Variants in ABHD17A observed in about 807,000 individuals in gnomAD.
ABHD17A encodes alpha/beta hydrolase domain-containing protein 17A.
ABHD17A carries 10 observed loss-of-function variants against 26.8 expected under a neutral mutation model. The observed-to-expected ratio is 0.37, with a 90% CI of 0.23 to 0.63. ABHD17A has a LOEUF of 0.63. Among genes scored for constraint, ABHD17A ranks in the 30% least tolerant of loss-of-function variants. The pLI, the probability that ABHD17A is intolerant of heterozygous loss-of-function variation, is 0.61. For missense variants in ABHD17A, 292 were observed against 457.3 expected, an observed-to-expected ratio of 0.64 and a Z score of 3.30; for synonymous variants, 167 against 210.9, an observed-to-expected ratio of 0.79 and a Z score of 1.80.
In ABHD17A at chr19:1,880,558, T is replaced by C. The variant is rs10410369; in HGVS notation, c.333-443A>G. On this transcript the variant is annotated intron_variant, in intron 2 of 4. Coordinates refer to ENST00000292577, the MANE Select transcript of ABHD17A (RefSeq NM_001130111.2). This position sits in a 1 kb window ranked among gnomAD's most constrained non-coding sequence, Gnocchi z 4.1. Reference sequence around the variant, plus strand: ...TTCAGGACCTTCCCAGGGGAGCCCATGCTGCTGCTGGCAGGGCTATCTCCC... The same window carrying C: ...TTCAGGACCTTCCCAGGGGAGCCCACGCTGCTGCTGGCAGGGCTATCTCCC... Among the ~76,000 whole-genome samples, 97,341 of 152,090 alleles carry C rather than the reference T, an allele frequency of 0.64. 31,171 individuals are homozygous for C. Among genetic ancestry groups the C allele is most frequent in the Middle Eastern group, 0.69 (202 of 292 alleles).
rs771001154 is a variant in ABHD17A, at chr19:1,880,004, G to C, written c.444C>G (p.Ser148=). 1.4e-5 allele frequency: 23 copies of C among 1,613,138 alleles called. 1 individual carries two copies. In the South Asian group the frequency reaches 2.5e-4, roughly 18 times the overall value. Residue 148 remains serine (S), a synonymous_variant, in exon 3 of 5, where the codon TCC becomes TCG. Transcript: ENST00000292577. This position sits in a 1 kb window ranked among gnomAD's most constrained non-coding sequence, Gnocchi z 4.1. ...GCCTGCCCGAGCTGGCACCGTAGCC[G>C]GAGTAGTCGTAGGAGAAGATGTTGC... ...LHCNIFSYDY[S]GYGASSGRPS... is the part of the protein sequence containing the mutation.
chr19:1,878,359 G>C (rs1327282300), intron 3 of ABHD17A: 1 of 152,372 alleles, frequency 6.6e-6, no homozygotes, highest in Non-Finnish European at 1.5e-5. Context: ...CTCCCACCCA[G>C]GGGCACCCTC....
rs1387393066 is a variant in ABHD17A at position 1,876,985 on chromosome 19, A to G, written c.*215T>C. The stretch of plus-strand genomic sequence containing the variant: ...GGAAGGAGAGCAGCCCTAAAATTTT[A>G]AATCTTTAATTTCCGTTTTCACGTA... On this transcript the variant is annotated 3_prime_UTR_variant, in exon 5 of 5. Coordinates refer to ENST00000292577, the MANE Select transcript of ABHD17A (RefSeq NM_001130111.2). 7 of 578,450 alleles carry G rather than the reference A, an allele frequency of 1.2e-5. No homozygotes were observed. Among genetic ancestry groups the G allele is most frequent in the Non-Finnish European group, 2.2e-5 (7 of 324,868 alleles). 35.8% of individuals were successfully genotyped at this position (578,450 alleles called of 1,614,324 possible). A position where few individuals can be genotyped will look rare whatever the true frequency, so the allele number is the denominator to read the frequency against.
Position 1,876,904 on chromosome 19 carries a change from C to T in ABHD17A, c.*296G>A. 1 of 441,438 alleles carries T rather than the reference C, an allele frequency of 2.3e-6. No individual in the cohort carries two copies. The allele number at this position is 441,438 out of a possible 1,614,324, so 27.3% of individuals were successfully genotyped here. ...GGGACTCAGGGACGAAACCTGGGAACCCCGGCCCCCTTTCGAGCTCGCTGA... is the reference window on the plus strand; with the variant it reads ...GGGACTCAGGGACGAAACCTGGGAATCCCGGCCCCCTTTCGAGCTCGCTGA... On this transcript the variant is annotated 3_prime_UTR_variant, in exon 5 of 5. Coordinates refer to ENST00000292577, the MANE Select transcript of ABHD17A (RefSeq NM_001130111.2).
rs2012497431 is a variant in ABHD17A, at chr19:1,880,654, T to C, written c.333-539A>G. On this transcript the variant is annotated intron_variant, in intron 2 of 4. Coordinates refer to ENST00000292577, the MANE Select transcript of ABHD17A (RefSeq NM_001130111.2). This position sits in a 1 kb window ranked among gnomAD's most constrained non-coding sequence, Gnocchi z 4.1. ...CCCACCCCTGCCCCCAACAAGCAAATGCGGCCAATCTCTGCTCACACTCAT... is the reference window on the plus strand; with the variant it reads ...CCCACCCCTGCCCCCAACAAGCAAACGCGGCCAATCTCTGCTCACACTCAT... 6.6e-6 allele frequency among the ~76,000 whole-genome samples: 1 copy of C among 151,786 alleles called. No homozygotes were observed. The highest frequency in any genetic ancestry group is 2.4e-5 in the African/African-American group (1 of 41,258).
Position 1,881,387 on chromosome 19 carries a change from C to G in ABHD17A, c.180G>C (p.Ser60=). The G allele has an allele frequency of 1.2e-6, 2 of 1,605,402 alleles. No homozygotes were observed. The highest frequency in any genetic ancestry group is 1.7e-6 in the Non-Finnish European group (2 of 1,179,030). Residue 60 remains serine (S), a synonymous_variant, in exon 2 of 5, where the codon TCG becomes TCC. Coordinates refer to ENST00000292577, the MANE Select transcript of ABHD17A (RefSeq NM_001130111.2). ...AAPLGTLRAS[S]GAPGRWKLHL... ...GCAGCTTCCAGCGCCCGGGTGCGCC[C>G]GAGGAGGCTCTCAGGGTCCCCAAGG...
In ABHD17A at chr19:1,880,583, C is replaced by T. The variant is rs2012495733; in HGVS notation, c.333-468G>A. Among the ~76,000 whole-genome samples the T allele has an allele frequency of 6.6e-6, 1 of 152,214 alleles. No homozygotes were observed. Among genetic ancestry groups the T allele is most frequent in the Admixed American group, 6.5e-5 (1 of 15,290 alleles). On this transcript the variant is annotated intron_variant, in intron 2 of 4. Transcript: ENST00000292577. This position sits in a 1 kb window ranked among gnomAD's most constrained non-coding sequence, Gnocchi z 4.1. Reference sequence around the variant, plus strand: ...TGCTGCTGCTGGCAGGGCTATCTCCCCTCACCTCACAGAATGGTGCCCTCA... The same window carrying T: ...TGCTGCTGCTGGCAGGGCTATCTCCTCTCACCTCACAGAATGGTGCCCTCA...
intron 2 of ABHD17A, 95 bp downstream of exon 2, chr19:1,881,140 C>T (rs1307814208): frequency 9.6e-6 from 15 of 1,565,642 alleles, no homozygotes; most frequent in Non-Finnish European, 1.3e-5. Flanking sequence ...GGCTCGGGCC[C>T]TCGGGGGCAC....
intron 1 of ABHD17A, chr19:1,883,531 C>T (rs890806811): frequency 5.3e-5 from 8 of 152,312 alleles, no homozygotes; most frequent in African/African-American, 1.9e-4. Context: ...GCAGCAGGCC[C>T]CTGGAGACCC....
At chr19:1,884,247 G>T (rs1568745781) in intron 1 of ABHD17A, among the ~76,000 whole-genome samples, 1 of 152,168 alleles carries the variant, frequency 6.6e-6, no homozygotes, top group African/African-American at 2.4e-5. Flanking sequence ...AGGCAGCACA[G>T]AATTAAGGAG....
chr19:1,884,868 G>C (rs1426633788), intron 1 of ABHD17A, among the ~76,000 whole-genome samples: 1 of 152,142 alleles, frequency 6.6e-6, no homozygotes, highest in South Asian at 2.1e-4. Flanking sequence ...ATAGGAGAAG[G>C]GCTGCATCCC....
At position 1,880,935 on chromosome 19, in the gene ABHD17A, C is replaced by T. The variant is rs2012505204; in HGVS notation, c.332+300G>A. On this transcript the variant is annotated intron_variant, in intron 2 of 4. Transcript: ENST00000292577. The surrounding 1 kb of genome is among the most constrained non-coding windows in gnomAD (Gnocchi z 4.1). Reference sequence around the variant, plus strand: ...GATGTACCCGCAGGCCAGGGCAGCCCCTGTGCCCCAGCTCTTGCCCAGCAG... The same window carrying T: ...GATGTACCCGCAGGCCAGGGCAGCCTCTGTGCCCCAGCTCTTGCCCAGCAG... 1 of 1,613,100 alleles carries T rather than the reference C, an allele frequency of 6.2e-7. No individual in the cohort carries two copies. The highest frequency in any genetic ancestry group is 8.5e-7 in the Non-Finnish European group (1 of 1,179,926).
chr19:1,877,536 T>G lies in ABHD17A; in HGVS notation c.679A>C (p.Lys227Gln), dbSNP rs780369223. The change falls in exon 4 of 5, where the codon AAG (lysine) becomes CAG (glutamine). Residue 227 changes from lysine (K) to glutamine (Q), a missense_variant. Lys to Gln is a moderately conservative substitution (Grantham distance 53). Coordinates refer to ENST00000292577, the MANE Select transcript of ABHD17A (RefSeq NM_001130111.2). ...GMRVAFPDTK[K>Q]TYCFDAFPNI... Reference sequence around the variant, plus strand: ...GGGAAGGCGTCGAAGCAGTAGGTCTTCTTGGTGTCGGGGAAGGCGACGCGC... The same window carrying G: ...GGGAAGGCGTCGAAGCAGTAGGTCTGCTTGGTGTCGGGGAAGGCGACGCGC... The G allele has an allele frequency of 6.3e-7, 1 of 1,595,246 alleles. No homozygotes were observed. The highest frequency in any genetic ancestry group is 1.1e-5 in the South Asian group (1 of 90,920).
rs2012373589 is a variant in ABHD17A, at chr19:1,876,989, C to A, written c.*211G>T. On this transcript the variant is annotated 3_prime_UTR_variant, in exon 5 of 5. Coordinates refer to ENST00000292577, the MANE Select transcript of ABHD17A (RefSeq NM_001130111.2). Reference sequence around the variant, plus strand: ...GGAGAGCAGCCCTAAAATTTTAAATCTTTAATTTCCGTTTTCACGTATTTT... The same window carrying A: ...GGAGAGCAGCCCTAAAATTTTAAATATTTAATTTCCGTTTTCACGTATTTT... The A allele has an allele frequency of 8.6e-6, 5 of 580,882 alleles. No individual in the cohort carries two copies. The highest frequency in any genetic ancestry group is 2.0e-5 in the South Asian group (1 of 48,936). 36.0% of individuals were successfully genotyped at this position (580,882 alleles called of 1,614,324 possible). A position where few individuals can be genotyped will look rare whatever the true frequency, so the allele number is the denominator to read the frequency against.
chr19:1,881,127 G>C (rs1394545644), intron 2 of ABHD17A, 108 bp downstream of exon 2: 2 of 1,562,654 alleles, frequency 1.3e-6, no homozygotes, highest in Non-Finnish European at 1.7e-6. Flanking sequence ...GCCCTTCACG[G>C]CAGGCTCGGG....
rs1395911891 is a variant in ABHD17A at position 1,881,639 on chromosome 19, G to T, written c.-73C>A. 1.1e-5 allele frequency: 15 copies of T among 1,427,746 alleles called. No individual in the cohort carries two copies. Among genetic ancestry groups the T allele is most frequent in the Middle Eastern group, 5.2e-4 (2 of 3,856 alleles). 88.4% of individuals were successfully genotyped at this position (1,427,746 alleles called of 1,614,324 possible). A position where few individuals can be genotyped will look rare whatever the true frequency, so the allele number is the denominator to read the frequency against. On this transcript the variant is annotated 5_prime_UTR_variant, in exon 2 of 5. Coordinates refer to ENST00000292577, the MANE Select transcript of ABHD17A (RefSeq NM_001130111.2). The stretch of plus-strand genomic sequence containing the variant: ...CGCCGCCCGGCCTGGCCCGGCAGGG[G>T]AGGGGTGGGGGTGCTCCGAGTCGCG...
intron 1 of ABHD17A, among the ~76,000 whole-genome samples, chr19:1,885,048 C>T (rs1035739498): frequency 6.6e-6 from 1 of 152,180 alleles, no homozygotes; most frequent in African/African-American, 2.4e-5. Context: ...GGACTGGGGG[C>T]AGTTTCGGGG....
rs2012505293 is a variant in ABHD17A at position 1,880,934 on chromosome 19, CCCTG to C, written c.332+297_332+300del. On this transcript the variant is annotated intron_variant, in intron 2 of 4. Transcript: ENST00000292577. This position sits in a 1 kb window ranked among gnomAD's most constrained non-coding sequence, Gnocchi z 4.1. ...GGATGTACCCGCAGGCCAGGGCAGC[CCCTG>C]TGCCCCAGCTCTTGCCCAGCAGGCA... The C allele has an allele frequency of 6.2e-7, 1 of 1,612,982 alleles. No homozygotes were observed. The highest frequency in any genetic ancestry group is 1.3e-5 in the African/African-American group (1 of 74,950).
chr19:1,878,000 C>G (rs983990188), intron 3 of ABHD17A: 3 of 403,778 alleles, frequency 7.4e-6, no homozygotes, highest in Non-Finnish European at 1.4e-5. Context: ...TGGCGCCTCT[C>G]CTCCTCCTGG....
Sources: allele counts gnomAD v4.1 joint callset (sites outside exome capture counted in the v4.1 genomes callset), GRCh38; gene constraint gnomAD v4.1.1; non-coding constraint Gnocchi (gnomAD v3.1); transcripts MANE v1.5; gene names NCBI Gene and HGNC (gene_info 2026-07-23, HGNC 2026-07-21).